The following CLASP1 variants were observed in gnomAD, a reference collection of about 807,000 sequenced individuals.
The protein encoded by CLASP1 is cytoplasmic linker associated protein 1.
In CLASP1, 38 loss-of-function variants were observed where a neutral mutation model predicts 192.3. The observed-to-expected ratio is 0.20, with a 90% CI of 0.15 to 0.26. The LOEUF (loss-of-function observed/expected upper bound fraction) is 0.26. Among genes scored for constraint, CLASP1 ranks in the 10% least tolerant of loss-of-function variants. The pLI, the probability that CLASP1 is intolerant of heterozygous loss-of-function variation, is 1.00. For missense variants in CLASP1, 1,433 were observed against 1,932.5 expected (o/e 0.74, Z 4.85); for synonymous variants, 691 against 712.8 (o/e 0.97, Z 0.49).
chr2:121,427,553 G>C (rs886522244), intron 20 of CLASP1, 123 bp from the exon 21 acceptor site: 1 of 947,270 alleles, frequency 1.1e-6, no homozygotes, highest in African/African-American at 1.6e-5. Flanking sequence ...TAGCAAAACA[G>C]CTATATTTCC....
At chr2:121,639,485 T>C (rs934869334) in intron 1 of CLASP1, among the ~76,000 whole-genome samples, 8 of 152,016 alleles carry the variant, frequency 5.3e-5, no homozygotes, top group African/African-American at 1.9e-4. Flanking sequence ...CTATTTGGGA[T>C]GATGGAAAAG....
At chr2:121,374,282 G>T (rs114795013) in intron 34 of CLASP1, among the ~76,000 whole-genome samples, 5,080 of 152,366 alleles carry the variant, frequency 0.033, 114 homozygotes, top group Middle Eastern at 0.061. Flanking sequence ...GGGCCTGTGG[G>T]TATGCAGAAG....
chr2:121,430,107 GC>G lies in CLASP1; in HGVS notation c.1982del (p.Gly661AlafsTer50). Reference sequence around the variant, plus strand: ...GTGAAACCACTTTAGCGCGACTGCGGCCCCGGTTATCAGGTGTAGAGGCGAC... The same window carrying G: ...GTGAAACCACTTTAGCGCGACTGCGGCCCGGTTATCAGGTGTAGAGGCGAC... On this transcript the variant is annotated frameshift_variant, in exon 20 of 40. Coordinates refer to ENST00000263710, the Ensembl canonical transcript of CLASP1. LOFTEE classifies it high-confidence loss of function. 1 of 1,575,162 alleles carries G rather than the reference GC, an allele frequency of 6.3e-7. No homozygotes were observed. The highest frequency in any genetic ancestry group is 8.6e-7 in the Non-Finnish European group (1 of 1,159,922).
At chr2:121,352,857 T>C (rs1007749140) in intron 37 of CLASP1, among the ~76,000 whole-genome samples, 1 of 152,024 alleles carries the variant, frequency 6.6e-6, no homozygotes, top group African/African-American at 2.4e-5. Context: ...TTTCACCACG[T>C]TGACCAGGCT....
At chr2:121,582,007 A>G (rs1298661234) in intron 2 of CLASP1, among the ~76,000 whole-genome samples, 1 of 152,028 alleles carries the variant, frequency 6.6e-6, no homozygotes, top group Non-Finnish European at 1.5e-5. Flanking sequence ...AACTGAAAAC[A>G]CAAAAATTAG....
At chr2:121,558,600 C>T (rs972268454) in intron 2 of CLASP1, among the ~76,000 whole-genome samples, 11 of 152,164 alleles carry the variant, frequency 7.2e-5, no homozygotes, top group Non-Finnish European at 1.6e-4. Context: ...TAATAACCCG[C>T]ACCACCTCGG....
intron 3 of CLASP1, among the ~76,000 whole-genome samples, chr2:121,529,490 T>C (rs1298452372): frequency 6.6e-6 from 1 of 152,194 alleles, no homozygotes; most frequent in Non-Finnish European, 1.5e-5. Flanking sequence ...AAGGAGCATA[T>C]TGGTCGGAAA....
At chr2:121,460,682 C>A (rs1460157141) in intron 11 of CLASP1, among the ~76,000 whole-genome samples, 1 of 152,058 alleles carries the variant, frequency 6.6e-6, no homozygotes, top group Non-Finnish European at 1.5e-5. Flanking sequence ...TAATGCTGAG[C>A]CCACTTTCCA....
At chr2:121,440,277 G>C (rs1022306122) in intron 19 of CLASP1, among the ~76,000 whole-genome samples, 1 of 152,008 alleles carries the variant, frequency 6.6e-6, no homozygotes, top group Admixed American at 6.6e-5. Flanking sequence ...ATAGGAAAAG[G>C]TGTCTTTTGT....
intron 9 of CLASP1, among the ~76,000 whole-genome samples, chr2:121,466,781 G>T (rs7587659): frequency 0.3 from 44,988 of 152,120 alleles, 7,140 homozygotes; most frequent in East Asian, 0.49. Flanking sequence ...CATGTTGCTT[G>T]TAAGAACAAA....
chr2:121,599,700 G>A (rs886101933), intron 2 of CLASP1, among the ~76,000 whole-genome samples: 2 of 151,492 alleles, frequency 1.3e-5, no homozygotes, highest in African/African-American at 4.9e-5. Context: ...CGGATCACTG[G>A]AGGTCATGAG....
intron 37 of CLASP1, among the ~76,000 whole-genome samples, chr2:121,351,850 A>G (rs1455515304): frequency 3.9e-5 from 6 of 152,196 alleles, no homozygotes; most frequent in Admixed American, 3.9e-4. Flanking sequence ...GTAGAGAGGC[A>G]ATTTTATTTT....
At position 121,548,581 on chromosome 2, in the gene CLASP1, A is replaced by G. The variant is rs183574288; in HGVS notation, c.196-18256T>C. ...AGAGAACTCCTGCAAGATGCTACACATGAAGATCACCCCCAAGACACATAA... is the reference window on the plus strand; with the variant it reads ...AGAGAACTCCTGCAAGATGCTACACGTGAAGATCACCCCCAAGACACATAA... On this transcript the variant is annotated intron_variant, in intron 2 of 39. Coordinates refer to ENST00000263710, the Ensembl canonical transcript of CLASP1. Among the ~76,000 whole-genome samples the G allele has an allele frequency of 2.0e-3, 311 of 152,316 alleles. 1 individual carries two copies. The highest frequency in any genetic ancestry group is 7.2e-3 in the African/African-American group (298 of 41,572).
chr2:121,349,162 C>G (rs1189382197), intron 37 of CLASP1, among the ~76,000 whole-genome samples: 1 of 151,980 alleles, frequency 6.6e-6, no homozygotes, highest in East Asian at 1.9e-4. Context: ...ATGGCATGAA[C>G]CTGGGAGGCG....
chr2:121,363,336 A>T (rs1422802361), intron 36 of CLASP1, 36 bp from the exon 38 acceptor site: 5 of 1,610,156 alleles, frequency 3.1e-6, no homozygotes, highest in South Asian at 1.1e-5. Flanking sequence ...ATCACCAAAC[A>T]CCACACAGCA....
At chr2:121,596,947 C>G (rs1322778665) in intron 2 of CLASP1, among the ~76,000 whole-genome samples, 1 of 152,160 alleles carries the variant, frequency 6.6e-6, no homozygotes, top group South Asian at 2.1e-4. Context: ...AGGGAACCCA[C>G]AAATTTCAAA....
intron 22 of CLASP1, among the ~76,000 whole-genome samples, chr2:121,419,608 A>T (rs537605194): frequency 6.6e-6 from 1 of 151,674 alleles, no homozygotes; most frequent in South Asian, 2.1e-4. Flanking sequence ...CATGTTATAA[A>T]ACACCGAGAC....
intron 2 of CLASP1, among the ~76,000 whole-genome samples, chr2:121,544,068 G>A (rs1487127046): frequency 8.5e-5 from 13 of 152,194 alleles, no homozygotes; most frequent in Non-Finnish European, 1.6e-4. Flanking sequence ...TAATCCATTA[G>A]TCTTACAAAA....
At chr2:121,546,543 G>A (rs911434609) in intron 2 of CLASP1, among the ~76,000 whole-genome samples, 1 of 151,940 alleles carries the variant, frequency 6.6e-6, no homozygotes, top group Non-Finnish European at 1.5e-5. Context: ...CCCCATTCAG[G>A]GAAGCAGTGA....
Sources: allele counts gnomAD v4.1 joint callset (sites outside exome capture counted in the v4.1 genomes callset), GRCh38; gene constraint gnomAD v4.1.1; transcripts MANE v1.5; gene names NCBI Gene and HGNC (gene_info 2026-07-23, HGNC 2026-07-21).